Variants in LCT observed in about 807,000 individuals in gnomAD.
LCT encodes the protein lactase/phlorizin hydrolase.
In LCT, 90 loss-of-function variants were observed where a neutral mutation model predicts 173.0. That is an observed-to-expected ratio of 0.52 (90% CI 0.44 to 0.62). The LOEUF (loss-of-function observed/expected upper bound fraction) is 0.62. Among genes scored for constraint, LCT ranks in the 20% least tolerant of loss-of-function variants. LCT has a pLI of 0.00. For synonymous variants in LCT, 853 were observed against 957.6 expected, an observed-to-expected ratio of 0.89 and a Z score of 2.02; for missense variants, 1,864 against 2,431.4, an observed-to-expected ratio of 0.77 and a Z score of 4.91.
At chr2:135,807,445 G>A in intron 8 of LCT, 49 bp from the exon 9 acceptor site, 1 of 1,595,302 alleles carries the variant, frequency 6.3e-7, no homozygotes, top group Non-Finnish European at 8.6e-7. Flanking sequence ...CCAGGAGTCA[G>A]GACCTCCATG....
In LCT at chr2:135,827,524, G is replaced by A. The variant is rs1182004523; in HGVS notation, c.804+2069C>T. ...TGGTCCCCAACATTCTTGGCACCAGGGACCGGTTTCGTGGAAGACAATTTT... is the reference window on the plus strand; with the variant it reads ...TGGTCCCCAACATTCTTGGCACCAGAGACCGGTTTCGTGGAAGACAATTTT... On this transcript the variant is annotated intron_variant, in intron 3 of 16. Coordinates refer to ENST00000264162, the MANE Select transcript of LCT (RefSeq NM_002299.4). Among the ~76,000 whole-genome samples, 3 of 152,228 alleles carry A rather than the reference G, an allele frequency of 2.0e-5. No individual in the cohort carries two copies. The East Asian group carries it at 5.8e-4, about 29-fold the overall frequency.
intron 13 of LCT, among the ~76,000 whole-genome samples, chr2:135,795,800 C>T (rs796925602): frequency 6.6e-6 from 1 of 151,238 alleles, no homozygotes; most frequent in African/African-American, 2.4e-5. Flanking sequence ...CTGCACGCCC[C>T]CTGAGGCTGG....
chr2:135,815,271 A>G (rs2077769815), intron 6 of LCT, among the ~76,000 whole-genome samples: 1 of 152,224 alleles, frequency 6.6e-6, no homozygotes, highest in African/African-American at 2.4e-5. Flanking sequence ...GAATTGAAGG[A>G]GAAGAGTGAA....
chr2:135,827,899 A>C (rs888855691), intron 3 of LCT, among the ~76,000 whole-genome samples: 8 of 152,252 alleles, frequency 5.3e-5, no homozygotes, highest in African/African-American at 1.9e-4. Flanking sequence ...CTACACAGAC[A>C]GCTAGAAACA....
At position 135,788,435 on chromosome 2, in the gene LCT, C is replaced by T. The variant is rs777747172; in HGVS notation, c.5673G>A (p.Val1891=). 1.9e-6 allele frequency: 3 copies of T among 1,614,046 alleles called. No homozygotes were observed. In the South Asian group the frequency reaches 3.3e-5, roughly 18 times the overall value. ...QTALYVLFSL[V]LLGVCGLAFL... is the part of the protein sequence containing the mutation. The stretch of plus-strand genomic sequence containing the variant: ...ATGCCAAGCCACAGACTCCAAGAAG[C>T]ACAAGAGAAAAGAGAACGTACAAAG... The change falls in exon 17 of 17, where the codon GTG becomes GTA. Residue 1891 remains valine (V), a synonymous_variant. Coordinates refer to ENST00000264162, the MANE Select transcript of LCT (RefSeq NM_002299.4).
At chr2:135,800,907 G>T in intron 11 of LCT, 98 bp from the exon 12 acceptor site, 1 of 939,014 alleles carries the variant, frequency 1.1e-6, no homozygotes, top group Non-Finnish European at 1.7e-6. Flanking sequence ...GTGTTTGGGA[G>T]AAGGGGTGTA....
intron 1 of LCT, among the ~76,000 whole-genome samples, chr2:135,834,817 G>GAAAA (rs375873214): frequency 8.6e-6 from 1 of 116,162 alleles, no homozygotes; most frequent in Non-Finnish European, 1.8e-5. Flanking sequence ...AAAAGAAGAA[G>GAAAA]AAAAAAATGT....
At chr2:135,833,907 C>T (rs1369172002) in intron 1 of LCT, among the ~76,000 whole-genome samples, 1 of 152,292 alleles carries the variant, frequency 6.6e-6, no homozygotes, top group African/African-American at 2.4e-5. Context: ...CTGCCATTCT[C>T]CTTCCTCTCT....
chr2:135,800,567 T>C (rs752553345), intron 12 of LCT, 40 bp downstream of exon 12: 6 of 1,496,908 alleles, frequency 4.0e-6, no homozygotes, highest in African/African-American at 1.4e-5. Flanking sequence ...GAAGGAAAGA[T>C]GGACAAGAGT....
chr2:135,806,043 G>A (rs983327588), intron 9 of LCT, among the ~76,000 whole-genome samples: 3 of 152,138 alleles, frequency 2.0e-5, no homozygotes, highest in African/African-American at 7.2e-5. Context: ...AATTCATTGG[G>A]TGTGGTGGCA....
Position 135,790,180 on chromosome 2 carries a change from T to C in LCT, c.5336-382A>G, listed in dbSNP as rs2077522545. 6.6e-6 allele frequency among the ~76,000 whole-genome samples: 1 copy of C among 152,222 alleles called. No homozygotes were observed. Among genetic ancestry groups the C allele is most frequent in the South Asian group, 2.1e-4 (1 of 4,834 alleles). ...ATATATTTCAGCTGGGTAGGATTTT[T>C]CTAATCATTTCCTTTGCTGGTGCAT... is the stretch of plus-strand genomic sequence containing the variant. On this transcript the variant is annotated intron_variant, in intron 15 of 16. Coordinates refer to ENST00000264162, the MANE Select transcript of LCT (RefSeq NM_002299.4). The surrounding 1 kb of genome is among the most constrained non-coding windows in gnomAD (Gnocchi z 4.1).
In LCT at chr2:135,817,702, T is replaced by C. The variant is rs768117341; in HGVS notation, c.1346A>G (p.Gln449Arg). 1.2e-6 allele frequency: 2 copies of C among 1,613,984 alleles called. No homozygotes were observed. Among genetic ancestry groups the C allele is most frequent in the East Asian group, 4.5e-5 (2 of 44,872 alleles). Residue 449 changes from glutamine (Q) to arginine (R), a missense_variant, in exon 6 of 17, where the codon CAG becomes CGG. Physicochemically the swap from Gln to Arg is conservative, Grantham distance 43. This residue lies in a region of LCT where 183 missense variants were observed against 293.1 expected (regional missense o/e 0.62). Transcript: ENST00000264162. ...CCAGGAGATGGAGAACTTGTACACCTGAGCCCGGAGGCCGCAAAGCAGGGC... is the reference window on the plus strand; with the variant it reads ...CCAGGAGATGGAGAACTTGTACACCCGAGCCCGGAGGCCGCAAAGCAGGGC... ...DVALLCGLRA[Q>R]VYKFSISWSR... is the part of the protein sequence containing the mutation.
At chr2:135,814,678 G>A (rs1463203329) in intron 6 of LCT, among the ~76,000 whole-genome samples, 2 of 151,870 alleles carry the variant, frequency 1.3e-5, no homozygotes, top group Admixed American at 1.3e-4. Context: ...CACCATGCCT[G>A]GCTAATTTTT....
At chr2:135,814,835 A>T (rs2077766537) in intron 6 of LCT, among the ~76,000 whole-genome samples, 1 of 151,828 alleles carries the variant, frequency 6.6e-6, no homozygotes, top group South Asian at 2.1e-4. Flanking sequence ...TTTTCTTTAA[A>T]TTTTTTCCTT....
intron 9 of LCT, 130 bp from the exon 10 acceptor site, chr2:135,805,187 A>G: frequency 4.3e-6 from 4 of 923,892 alleles, no homozygotes; most frequent in Non-Finnish European, 6.9e-6. Flanking sequence ...AAACAAGCAC[A>G]TTGGTCCATG....
chr2:135,794,774 G>A lies in LCT; in HGVS notation c.4978C>T (p.Leu1660=), dbSNP rs747643534. ...SLAAGLNKSR[L]PEFTESEKRR... ...TTCTCACTCTCTGTAAATTCTGGCA[G>A]CCTGGGTGGAAGAAGCCATTGAGGG... The change falls in exon 14 of 17, where the codon CTG becomes TTG. Residue 1660 remains leucine (L), a splice_region_variant and synonymous_variant. Transcript: ENST00000264162. 6.2e-7 allele frequency: 1 copy of A among 1,614,226 alleles called. No individual in the cohort carries two copies. Among genetic ancestry groups the A allele is most frequent in the Non-Finnish European group, 8.5e-7 (1 of 1,180,030 alleles).
At position 135,836,825 on chromosome 2, in the gene LCT, T is replaced by C. The variant is rs1439176179; in HGVS notation, c.345A>G (p.Arg115=). 1.9e-6 allele frequency: 3 copies of C among 1,612,812 alleles called. No individual in the cohort carries two copies. The highest frequency in any genetic ancestry group is 1.7e-5 in the Admixed American group (1 of 59,834). Residue 115 remains arginine (R), a synonymous_variant, in exon 1 of 17, where the codon CGA becomes CGG. Coordinates refer to ENST00000264162, the MANE Select transcript of LCT (RefSeq NM_002299.4). ...PDEKTVQCYR[R]LLKALKTARL... ...GTGCAGTCTTGAGGGCCTTGAGGAG[T>C]CGCCGGTAGCACTGCACTGTTTTCT... is the stretch of plus-strand genomic sequence containing the variant.
At chr2:135,788,593 T>A in intron 16 of LCT, 49 bp from the exon 17 acceptor site, 1 of 1,187,964 alleles carries the variant, frequency 8.4e-7, no homozygotes, top group Non-Finnish European at 1.3e-6. Context: ...CTGATTTGAG[T>A]TCTCAGATCT....
Position 135,808,559 on chromosome 2 carries a change from T to G in LCT, c.3788A>C (p.Glu1263Ala). The part of the protein sequence containing the change: ...TRRLLNWIKE[E>A]YGDIPIYITE... ...GATGTAAATGGGGATGTCACCATACTCTTCCTTGATCCAGTTCAGCAGCCT... is the reference window on the plus strand; with the variant it reads ...GATGTAAATGGGGATGTCACCATACGCTTCCTTGATCCAGTTCAGCAGCCT... Residue 1263 changes from glutamate to alanine, a missense_variant, in exon 8 of 17, where the codon GAG becomes GCG. Physicochemically the swap from Glu to Ala is moderately radical, Grantham distance 107. Around this residue, in one of 4 missense-constraint regions of LCT, gnomAD observed 755 missense variants for 926.3 expected, o/e 0.82. Coordinates refer to ENST00000264162, the MANE Select transcript of LCT (RefSeq NM_002299.4). 6.2e-7 allele frequency: 1 copy of G among 1,614,240 alleles called. No individual in the cohort carries two copies. The highest frequency in any genetic ancestry group is 8.5e-7 in the Non-Finnish European group (1 of 1,180,038).
Sources: gnomAD v4.1 joint callset for allele counts (sites outside exome capture counted in the v4.1 genomes callset) on GRCh38, gnomAD v4.1.1 for gene constraint, gnomAD v4.1.1 regional missense constraint, Gnocchi (gnomAD v3.1) non-coding constraint, MANE v1.5 for transcripts, NCBI Gene and HGNC (gene_info 2026-07-23, HGNC 2026-07-21) for gene names.